Variants in PLOD2 observed in about 807,000 individuals in gnomAD.
PLOD2 encodes procollagen-lysine,2-oxoglutarate 5-dioxygenase 2.
A neutral mutation model predicts 101.0 loss-of-function variants in PLOD2; 65 were observed. That is an observed-to-expected ratio of 0.64 (90% CI 0.53 to 0.79). PLOD2 has a LOEUF of 0.79. PLOD2 is among the 30% of genes least tolerant of loss of function. The probability of loss-of-function intolerance (pLI) is 0.00; values close to 1 mark genes in which losing one functional copy is unlikely to be tolerated. For missense variants in PLOD2, 909 were observed against 914.6 expected, an observed-to-expected ratio of 0.99 and a Z score of 0.08; for synonymous variants, 314 against 302.9, an observed-to-expected ratio of 1.04 and a Z score of -0.38.
At chr3:146,077,108 C>A (rs891593198) in intron 14 of PLOD2, 45 of 1,207,502 alleles carry the variant, frequency 3.7e-5, no homozygotes, top group Non-Finnish European at 4.3e-5. Flanking sequence ...GTAGATAGCA[C>A]TGACACTCAA....
intron 1 of PLOD2, among the ~76,000 whole-genome samples, chr3:146,126,835 G>C (rs2030592885): frequency 6.6e-6 from 1 of 151,878 alleles, no homozygotes; most frequent in Admixed American, 6.6e-5. Flanking sequence ...TTTTAAAAAA[G>C]AGTCCTTATA....
intron 2 of PLOD2, among the ~76,000 whole-genome samples, chr3:146,123,569 G>C (rs951603681): frequency 4.6e-5 from 7 of 151,650 alleles, no homozygotes; most frequent in African/African-American, 1.7e-4. Flanking sequence ...GACAGAAAAG[G>C]CACCCTCTTC....
intron 2 of PLOD2, 32 bp from the exon 3 acceptor site, chr3:146,121,280 C>T (rs568888198): frequency 6.3e-7 from 1 of 1,599,900 alleles, no homozygotes; most frequent in East Asian, 2.2e-5. Context: ...CATTCCTGAG[C>T]AAAACTCAAA....
In PLOD2 at chr3:146,094,007, C is replaced by T. The variant is rs137885379; in HGVS notation, c.778-2106G>A. ...CACAGGCAGAGGTTATCCACCATCA[C>T]CACCCCCCATTTACATCTGTTTTCC... On this transcript the variant is annotated intron_variant, in intron 7 of 19. Transcript: ENST00000282903. Among the ~76,000 whole-genome samples, 209 of 152,292 alleles carry T rather than the reference C, an allele frequency of 1.4e-3. 1 individual carries two copies. Among genetic ancestry groups the T allele is most frequent in the African/African-American group, 5.0e-3 (208 of 41,564 alleles).
chr3:146,123,788 C>T (rs1045217326), intron 2 of PLOD2, among the ~76,000 whole-genome samples: 1 of 151,758 alleles, frequency 6.6e-6, no homozygotes, highest in African/African-American at 2.4e-5. Context: ...TTATACAAAG[C>T]ATTGGCAAAA....
chr3:146,085,262 C>A lies in PLOD2; in HGVS notation c.1139G>T (p.Arg380Leu), dbSNP rs144110908. 2.5e-6 allele frequency: 4 copies of A among 1,579,202 alleles called. No homozygotes were observed. The highest frequency in any genetic ancestry group is 1.7e-4 in the Middle Eastern group (1 of 5,986). The change falls in exon 11 of 20, where the codon CGT becomes CTT. Residue 380 changes from arginine (R) to leucine (L), a missense_variant. By Grantham distance (102) the Arg-to-Leu change is moderately radical (BLOSUM62 -2). Transcript: ENST00000282903. ...EARNMGMDFC[R>L]QDEKCDYYFS... Reference sequence around the variant, plus strand: ...GTAATAATCACACTTTTCATCCTGACGGCAAAAGTCCCTAACAGTGAAAAA... The same window carrying A: ...GTAATAATCACACTTTTCATCCTGAAGGCAAAAGTCCCTAACAGTGAAAAA...
At chr3:146,126,740 A>T (rs996537794) in intron 1 of PLOD2, among the ~76,000 whole-genome samples, 16 of 152,220 alleles carry the variant, frequency 1.1e-4, no homozygotes, top group Admixed American at 1.0e-3. Context: ...TTGTGAGAAA[A>T]TTAGAGAAAT....
chr3:146,104,752 G>A (rs1937508498), intron 5 of PLOD2, among the ~76,000 whole-genome samples: 2 of 152,112 alleles, frequency 1.3e-5, no homozygotes, highest in African/African-American at 4.8e-5. Context: ...AGGGTCTATG[G>A]AAGACTGCTT....
chr3:146,110,350 G>A lies in PLOD2; in HGVS notation c.437C>T (p.Pro146Leu), dbSNP rs766267153. 6.2e-7 allele frequency: 1 copy of A among 1,613,676 alleles called. No homozygotes were observed. The highest frequency in any genetic ancestry group is 8.5e-7 in the Non-Finnish European group (1 of 1,179,744). ...VVFAADGILW[P>L]DKRLADKYPV... ...ATACTTGTCTGCTAGTCTTTTATCT[G>A]GCCACAAAATTCCATCTGCTGCAAA... is the stretch of plus-strand genomic sequence containing the variant. The change falls in exon 4 of 20, where the codon CCA becomes CTA. Residue 146 changes from proline to leucine, a missense_variant. Coordinates refer to ENST00000282903, the MANE Select transcript of PLOD2 (RefSeq NM_182943.3).
chr3:146,136,526 C>T (rs887252042), intron 1 of PLOD2, among the ~76,000 whole-genome samples: 1 of 152,078 alleles, frequency 6.6e-6, no homozygotes, highest in African/African-American at 2.4e-5. Flanking sequence ...GTCCCATCCC[C>T]AAGATATCTC....
chr3:146,140,876 T>C (rs993071036), intron 1 of PLOD2, among the ~76,000 whole-genome samples: 1 of 152,072 alleles, frequency 6.6e-6, no homozygotes, highest in Non-Finnish European at 1.5e-5. Flanking sequence ...GAGCTGTTTA[T>C]TCCTATAATA....
intron 13 of PLOD2, among the ~76,000 whole-genome samples, chr3:146,078,327 AAAAC>A (rs146626208): frequency 1.3e-5 from 2 of 151,918 alleles, no homozygotes; most frequent in Non-Finnish European, 2.9e-5. Flanking sequence ...GTTTGTAGAG[AAAAC>A]AAACATATTC....
At chr3:146,079,351 A>T in intron 12 of PLOD2, 94 bp from the exon 13 acceptor site, 1 of 872,562 alleles carries the variant, frequency 1.1e-6, no homozygotes, top group Non-Finnish European at 1.8e-6. Context: ...TTGTGTTTAG[A>T]TTTTGTATAC....
At position 146,150,897 on chromosome 3, in the gene PLOD2, A is replaced by G. The variant is rs1316050067; in HGVS notation, c.109+9984T>C. On this transcript the variant is annotated intron_variant, in intron 1 of 19. Transcript: ENST00000282903. ...AAACAGAAAATAGCTTCATAAAAAC[A>G]CCAGACTTGTTTTCTCTTCTCATAT... 2.6e-5 allele frequency among the ~76,000 whole-genome samples: 4 copies of G among 152,172 alleles called. No homozygotes were observed. The East Asian group carries it at 7.7e-4, about 29-fold the overall frequency.
At chr3:146,115,272 T>G (rs1195934469) in intron 3 of PLOD2, among the ~76,000 whole-genome samples, 2 of 152,128 alleles carry the variant, frequency 1.3e-5, no homozygotes, top group African/African-American at 2.4e-5. Flanking sequence ...AATAAAATTT[T>G]CCACATATAA....
chr3:146,110,629 T>C lies in PLOD2; in HGVS notation c.339-181A>G, dbSNP rs116303598. Among the ~76,000 whole-genome samples the C allele has an allele frequency of 0.016, 2,418 of 152,330 alleles. 26 individuals carry two copies. The highest frequency in any genetic ancestry group is 0.026 in the Non-Finnish European group (1,747 of 68,020). ...CTCAACTTAAATTATATGAATTGTA[T>C]TGAATTATTAGTTTACATTAGCAAA... On this transcript the variant is annotated intron_variant, in intron 3 of 19. Transcript: ENST00000282903.
At chr3:146,143,388 T>C (rs952971063) in intron 1 of PLOD2, among the ~76,000 whole-genome samples, 3 of 151,734 alleles carry the variant, frequency 2.0e-5, no homozygotes. Context: ...ATTTTAAGAA[T>C]AAAATTTGGA....
chr3:146,084,701 A>G (rs1936694800), intron 11 of PLOD2, among the ~76,000 whole-genome samples: 1 of 152,116 alleles, frequency 6.6e-6, no homozygotes, highest in South Asian at 2.1e-4. Context: ...GCAAACAGAC[A>G]CTGTGAAGTG....
intron 7 of PLOD2, among the ~76,000 whole-genome samples, chr3:146,092,266 A>G (rs1172120704): frequency 6.6e-6 from 1 of 152,098 alleles, no homozygotes; most frequent in Non-Finnish European, 1.5e-5. Context: ...GAGTCACATG[A>G]ATAGTAATTT....
Sources: gnomAD v4.1 joint callset for allele counts (sites outside exome capture counted in the v4.1 genomes callset) on GRCh38, gnomAD v4.1.1 for gene constraint, MANE v1.5 for transcripts, NCBI Gene and HGNC (gene_info 2026-07-23, HGNC 2026-07-21) for gene names.